IL20RA: variants seen among roughly 807,000 people sequenced by gnomAD.
IL20RA encodes the protein interleukin 20 receptor subunit alpha, also known as interleukin-20 receptor subunit alpha.
IL20RA carries 29 observed loss-of-function variants against 36.5 expected under a neutral mutation model. The ratio of observed to expected loss-of-function variants is 0.79; its 90% CI spans 0.59 to 1.08. The LOEUF is 1.08. Among genes scored for constraint, IL20RA ranks in the 50% least tolerant of loss-of-function variants. IL20RA has a pLI of 0.00. For synonymous variants in IL20RA, 279 were observed against 267.1 expected, an observed-to-expected ratio of 1.04 and a Z score of -0.43; for missense variants, 652 against 668.4, an observed-to-expected ratio of 0.98 and a Z score of 0.27.
In IL20RA at chr6:137,011,293, C is replaced by G; in HGVS notation, c.384G>C (p.Arg128=). 1 of 1,610,684 alleles carries G rather than the reference C, an allele frequency of 6.2e-7. No individual in the cohort carries two copies. The highest frequency in any genetic ancestry group is 8.5e-7 in the Non-Finnish European group (1 of 1,178,460). Residue 128 remains arginine (R), a synonymous_variant, in exon 3 of 7, where the codon CGG becomes CGC. Transcript: ENST00000316649. ...ACTTACTTTCTAAAAAAGGATAGAACCGTCCACTTTCAGCCCATTTGGAAC... is the reference window on the plus strand; with the variant it reads ...ACTTACTTTCTAAAAAAGGATAGAAGCGTCCACTTTCAGCCCATTTGGAAC... ...TKCSKWAESG[R]FYPFLETQIG... is the part of the protein sequence containing the mutation.
intron 1 of IL20RA, chr6:137,044,202 C>T (rs1412166572): frequency 4.1e-6 from 4 of 987,114 alleles, no homozygotes; most frequent in Admixed American, 6.1e-5. Context: ...ACTGCGGGGC[C>T]CGGCGGCCGA....
chr6:137,035,193 T>C (rs1562242457), intron 1 of IL20RA, among the ~76,000 whole-genome samples: 1 of 152,182 alleles, frequency 6.6e-6, no homozygotes, highest in African/African-American at 2.4e-5. Flanking sequence ...ACTGATTGAA[T>C]TAATATGGTT....
intron 2 of IL20RA, among the ~76,000 whole-genome samples, chr6:137,014,886 A>G (rs1470255950): frequency 6.6e-6 from 1 of 152,062 alleles, no homozygotes; most frequent in Non-Finnish European, 1.5e-5. Flanking sequence ...TGTTAGCTGG[A>G]GGTCGTCTTT....
chr6:137,003,766 C>A (rs777861447), intron 6 of IL20RA, among the ~76,000 whole-genome samples: 1 of 152,150 alleles, frequency 6.6e-6, no homozygotes, highest in Non-Finnish European at 1.5e-5. Flanking sequence ...TGCCTACTCT[C>A]CAGTCTCATC....
intron 1 of IL20RA, among the ~76,000 whole-genome samples, chr6:137,032,018 A>G (rs971194608): frequency 1.4e-5 from 2 of 145,556 alleles, no homozygotes; most frequent in Non-Finnish European, 3.0e-5. Flanking sequence ...GTGCCACTGC[A>G]CTCCAGCCTG....
At chr6:137,033,673 A>G (rs565199173) in intron 1 of IL20RA, among the ~76,000 whole-genome samples, 1 of 152,364 alleles carries the variant, frequency 6.6e-6, no homozygotes, top group East Asian at 1.9e-4. Flanking sequence ...CCAAAAGCCA[A>G]GCAGGTGCCA....
At chr6:137,023,102 G>A (rs1248152184) in intron 1 of IL20RA, among the ~76,000 whole-genome samples, 5 of 152,190 alleles carry the variant, frequency 3.3e-5, no homozygotes, top group African/African-American at 1.2e-4. Context: ...CCCTTGCAGA[G>A]CTTCCAGGGT....
At position 137,004,775 on chromosome 6, in the gene IL20RA, A is replaced by T; in HGVS notation, c.725-15T>A. ...TGATGATTGATCTGTAAAAAAAAAA[A>T]AAAAGGTGGGAATTCGGGGGAAGGG... On this transcript the variant is annotated splice_polypyrimidine_tract_variant and intron_variant, in intron 5 of 6. Coordinates refer to ENST00000316649, the MANE Select transcript of IL20RA (RefSeq NM_014432.4). The T allele has an allele frequency of 6.3e-7, 1 of 1,577,496 alleles. No homozygotes were observed. The highest frequency in any genetic ancestry group is 2.2e-5 in the East Asian group (1 of 44,742).
chr6:137,023,802 A>C (rs562252281), intron 1 of IL20RA, among the ~76,000 whole-genome samples: 1 of 152,216 alleles, frequency 6.6e-6, no homozygotes, highest in Non-Finnish European at 1.5e-5. Context: ...AGTGATAAAA[A>C]ATAGAATTAG....
In IL20RA at chr6:137,018,513, C is replaced by CGTGTGTGTGT. The variant is rs3842115; in HGVS notation, c.89-1420_89-1411dup. On this transcript the variant is annotated intron_variant, in intron 1 of 6. Coordinates refer to ENST00000316649, the MANE Select transcript of IL20RA (RefSeq NM_014432.4). ...ACAATCAATTGACCACTGCCGTGTG[C>CGTGTGTGTGT]GTGTGTGTGTGTGTGTGTGTGTGTG... is the stretch of plus-strand genomic sequence containing the variant. Among the ~76,000 whole-genome samples the CGTGTGTGTGT allele has an allele frequency of 2.5e-3, 353 of 142,898 alleles. 4 individuals carry two copies. The East Asian group carries it at 0.027, about 11-fold the overall frequency. 93.7% of individuals were successfully genotyped at this position (142,898 alleles called of 152,430 possible).
At chr6:137,038,567 T>C (rs1776572548) in intron 1 of IL20RA, among the ~76,000 whole-genome samples, 1 of 152,166 alleles carries the variant, frequency 6.6e-6, no homozygotes, top group African/African-American at 2.4e-5. Context: ...ATGTTTCTCA[T>C]ATCAAATTTT....
rs1001315178 is a variant in IL20RA, at chr6:137,030,834, C to T, written c.89-13731G>A. ...AAAAAAAAGTTTCCCAATACTCAGA[C>T]GTAGTAACTTTTCAATTTGCCCAGT... On this transcript the variant is annotated intron_variant, in intron 1 of 6. Transcript: ENST00000316649. 4.6e-5 allele frequency among the ~76,000 whole-genome samples: 7 copies of T among 152,054 alleles called. No homozygotes were observed. In the East Asian group the frequency reaches 5.8e-4, roughly 13 times the overall value.
At chr6:137,008,838 C>A in intron 4 of IL20RA, 95 bp from the exon 5 acceptor site, 9 of 511,844 alleles carry the variant, frequency 1.8e-5, no homozygotes, top group Non-Finnish European at 2.8e-5. Context: ...ACCAAGGCAC[C>A]ATTTAATTCT....
intron 1 of IL20RA, among the ~76,000 whole-genome samples, chr6:137,022,745 C>T (rs535239491): frequency 1.3e-5 from 2 of 152,276 alleles, no homozygotes; most frequent in African/African-American, 4.8e-5. Context: ...CAGGTGGGCT[C>T]CTGATTCAGT....
Position 137,016,994 on chromosome 6 carries a change from T to A in IL20RA, c.198A>T (p.Lys66Asn), listed in dbSNP as rs1582826062. The A allele has an allele frequency of 6.2e-7, 1 of 1,613,748 alleles. No individual in the cohort carries two copies. The highest frequency in any genetic ancestry group is 1.3e-5 in the African/African-American group (1 of 75,032). Residue 66 changes from lysine (K) to asparagine (N), a missense_variant, in exon 2 of 7, where the codon AAA becomes AAT. Lys to Asn is a moderately conservative substitution (Grantham distance 94). Coordinates refer to ENST00000316649, the MANE Select transcript of IL20RA (RefSeq NM_014432.4). ...WTPPEGLQGV[K>N]VTYTVQYFIY... is the part of the protein sequence containing the mutation. ...TGAAATACTGCACAGTGTAAGTAAC[T>A]TTAACTCCTTGAAGACCCTCTGGTG...
chr6:137,027,517 A>G (rs545425724), intron 1 of IL20RA, among the ~76,000 whole-genome samples: 6 of 152,162 alleles, frequency 3.9e-5, no homozygotes, highest in African/African-American at 1.4e-4. Flanking sequence ...ACTGGAGCCT[A>G]CTCCATGCTC....
At chr6:137,015,457 T>A (rs1756848847) in intron 2 of IL20RA, among the ~76,000 whole-genome samples, 1 of 152,230 alleles carries the variant, frequency 6.6e-6, no homozygotes. Flanking sequence ...TTTTAATTCT[T>A]CCTTACTTCC....
chr6:137,022,416 A>T (rs905717952), intron 1 of IL20RA, among the ~76,000 whole-genome samples: 1 of 152,080 alleles, frequency 6.6e-6, no homozygotes, highest in Non-Finnish European at 1.5e-5. Context: ...TTAATTTGAA[A>T]CCACAGTTAA....
chr6:137,024,081 G>A (rs772845360), intron 1 of IL20RA, among the ~76,000 whole-genome samples: 4 of 152,102 alleles, frequency 2.6e-5, no homozygotes, highest in Non-Finnish European at 5.9e-5. Context: ...GTGGCAGAGT[G>A]AGACTCTATC....
Sources: gnomAD v4.1 joint callset for allele counts (sites outside exome capture counted in the v4.1 genomes callset) on GRCh38, gnomAD v4.1.1 for gene constraint, MANE v1.5 for transcripts, NCBI Gene and HGNC (gene_info 2026-07-23, HGNC 2026-07-21) for gene names.